The following NUP133 variants were observed in gnomAD, a reference collection of about 807,000 sequenced individuals.
NUP133 encodes nuclear pore complex protein Nup133.
A neutral mutation model predicts 146.2 loss-of-function variants in NUP133; 66 were observed. The ratio of observed to expected loss-of-function variants is 0.45; its 90% CI spans 0.37 to 0.55. The LOEUF is 0.55. Among genes scored for constraint, NUP133 ranks in the 20% least tolerant of loss-of-function variants. The pLI is 0.00. For missense variants in NUP133, 1,277 were observed against 1,374.8 expected, an observed-to-expected ratio of 0.93 and a Z score of 1.12; for synonymous variants, 521 against 498.8, an observed-to-expected ratio of 1.04 and a Z score of -0.59.
At chr1:229,496,839 A>G (rs1558107568) in intron 6 of NUP133, among the ~76,000 whole-genome samples, 2 of 152,204 alleles carry the variant, frequency 1.3e-5, no homozygotes. Context: ...AAATAAAAAT[A>G]AAAAATAATG....
At chr1:229,451,980 A>T (rs578203190) in intron 22 of NUP133, among the ~76,000 whole-genome samples, 1 of 152,298 alleles carries the variant, frequency 6.6e-6, no homozygotes, top group South Asian at 2.1e-4. Flanking sequence ...TAATGGCTAA[A>T]ATGCTAATGT....
intron 23 of NUP133, among the ~76,000 whole-genome samples, chr1:229,449,851 T>TATATATATATATATATATA (rs1660401047): frequency 1.5e-5 from 1 of 67,624 alleles, no homozygotes; most frequent in African/African-American, 6.9e-5. Flanking sequence ...TATGAAGATT[T>TATATATATATATATATATA]TATATATATA....
Position 229,450,602 on chromosome 1 carries a change from A to G in NUP133, c.3103T>C (p.Tyr1035His). 1 of 1,512,048 alleles carries G rather than the reference A, an allele frequency of 6.6e-7. No homozygotes were observed. 93.7% of individuals were successfully genotyped at this position (1,512,048 alleles called of 1,614,324 possible). A position where few individuals can be genotyped will look rare whatever the true frequency, so the allele number is the denominator to read the frequency against. Reference protein sequence around the residue: ...VLTAPQLIGLYICEENRRANE... With the variant: ...VLTAPQLIGLHICEENRRANE... ...GCTCTTCTATTTTCTTCACAGATATATAGCTATGACAAGTTAAAATAAGGT... is the reference window on the plus strand; with the variant it reads ...GCTCTTCTATTTTCTTCACAGATATGTAGCTATGACAAGTTAAAATAAGGT... The change falls in exon 23 of 26, where the codon TAT becomes CAT. Residue 1035 changes from tyrosine (Y) to histidine (H), a missense_variant. Physicochemically the swap from Tyr to His is moderately conservative, Grantham distance 83 (BLOSUM62 2). This residue lies in a region of NUP133 where 952 missense variants were observed against 1,047.0 expected (regional missense o/e 0.91). Transcript: ENST00000261396.
At chr1:229,475,198 T>C (rs933938124) in intron 14 of NUP133, among the ~76,000 whole-genome samples, 8 of 152,316 alleles carry the variant, frequency 5.3e-5, no homozygotes, top group African/African-American at 1.4e-4. Flanking sequence ...GCCACTTTTA[T>C]TGACGAGACA....
At chr1:229,506,280 A>G in intron 1 of NUP133, 122 bp from the exon 2 acceptor site, 1 of 529,136 alleles carries the variant, frequency 1.9e-6, no homozygotes, top group South Asian at 2.9e-5. Context: ...GCTCATATTT[A>G]CCATGTAATT....
At chr1:229,454,128 A>G (rs1660513014) in intron 21 of NUP133, among the ~76,000 whole-genome samples, 1 of 152,204 alleles carries the variant, frequency 6.6e-6, no homozygotes, top group Non-Finnish European at 1.5e-5. Context: ...TCTATCAAGA[A>G]AAACAAGACC....
chr1:229,455,845 A>G (rs1660547301), intron 21 of NUP133, among the ~76,000 whole-genome samples: 1 of 152,238 alleles, frequency 6.6e-6, no homozygotes, highest in Non-Finnish European at 1.5e-5. Flanking sequence ...CAATACAGTT[A>G]TATCATCTAA....
rs1247967522 is a variant in NUP133, at chr1:229,460,601, T to C, written c.2844+10A>G. The C allele has an allele frequency of 6.2e-7, 1 of 1,609,028 alleles. No homozygotes were observed. Among genetic ancestry groups the C allele is most frequent in the African/African-American group, 1.3e-5 (1 of 74,750 alleles). ...TGCACACATCTGCTCCATAGAAAAA[T>C]CCTTCTTACCTTTTCTAATTCTTGG... is the stretch of plus-strand genomic sequence containing the variant. On this transcript the variant is annotated intron_variant, in intron 20 of 25. Coordinates refer to ENST00000261396, the MANE Select transcript of NUP133 (RefSeq NM_018230.3).
intron 14 of NUP133, 49 bp from the exon 15 acceptor site, chr1:229,470,853 G>A (rs1660940224): frequency 6.5e-7 from 1 of 1,538,672 alleles, no homozygotes; most frequent in Non-Finnish European, 9.0e-7. Flanking sequence ...ATGGTAACAT[G>A]CAAAATACCA....
chr1:229,494,491 CTT>C (rs1334944444), intron 8 of NUP133, among the ~76,000 whole-genome samples: 2 of 152,132 alleles, frequency 1.3e-5, no homozygotes, highest in Non-Finnish European at 2.9e-5. Context: ...AAAAAATAGT[CTT>C]TAACTTCTGA....
At chr1:229,459,295 G>A (rs1322134434) in intron 20 of NUP133, among the ~76,000 whole-genome samples, 2 of 152,100 alleles carry the variant, frequency 1.3e-5, no homozygotes, top group Non-Finnish European at 2.9e-5. Context: ...GGCTGATGTG[G>A]GTGGATTGCT....
At chr1:229,469,636 G>C (rs1660908772) in intron 15 of NUP133, among the ~76,000 whole-genome samples, 5 of 152,248 alleles carry the variant, frequency 3.3e-5, no homozygotes, top group Admixed American at 3.3e-4. Flanking sequence ...CAGTTGGACA[G>C]GAGGCACAGT....
intron 25 of NUP133, 112 bp downstream of exon 25, chr1:229,444,802 A>C: frequency 1.5e-6 from 1 of 682,314 alleles, no homozygotes; most frequent in Non-Finnish European, 2.6e-6. Context: ...AGCCGAGATC[A>C]TACCACTGCA....
chr1:229,458,333 G>A, intron 20 of NUP133, 37 bp from the exon 21 acceptor site: 1 of 1,587,218 alleles, frequency 6.3e-7, no homozygotes, highest in East Asian at 2.3e-5. Flanking sequence ...AAGATACTGA[G>A]TACCAATTCA....
chr1:229,507,129 A>G (rs1040469004), intron 1 of NUP133, among the ~76,000 whole-genome samples: 4 of 152,254 alleles, frequency 2.6e-5, no homozygotes, highest in Non-Finnish European at 5.9e-5. Flanking sequence ...AACACACAGT[A>G]AATAAAGTAT....
At chr1:229,489,133 T>C (rs897506251) in intron 9 of NUP133, among the ~76,000 whole-genome samples, 1 of 152,194 alleles carries the variant, frequency 6.6e-6, no homozygotes, top group African/African-American at 2.4e-5. Context: ...ACCAGTTTTC[T>C]TCCTTCCTTT....
chr1:229,483,446 T>C (rs1661266450), intron 12 of NUP133, among the ~76,000 whole-genome samples: 1 of 151,940 alleles, frequency 6.6e-6, no homozygotes, highest in African/African-American at 2.4e-5. Context: ...CGGCTGGAAG[T>C]GGTGGCTCAC....
chr1:229,451,854 T>C (rs1195297445), intron 22 of NUP133, among the ~76,000 whole-genome samples: 3 of 152,334 alleles, frequency 2.0e-5, no homozygotes, highest in South Asian at 4.1e-4. Context: ...TACTTTTTTC[T>C]TAGTGATACT....
chr1:229,442,688 A>G (rs1014737391), intron 25 of NUP133, among the ~76,000 whole-genome samples: 1 of 151,474 alleles, frequency 6.6e-6, no homozygotes, highest in Non-Finnish European at 1.5e-5. Context: ...AAAAAAACTC[A>G]AAGGGCCTTG....
Sources: gnomAD v4.1 joint callset for allele counts (sites outside exome capture counted in the v4.1 genomes callset) on GRCh38, gnomAD v4.1.1 for gene constraint, gnomAD v4.1.1 regional missense constraint, MANE v1.5 for transcripts, NCBI Gene and HGNC (gene_info 2026-07-23, HGNC 2026-07-21) for gene names.